The following GSAP variants were observed in gnomAD, a reference collection of about 807,000 sequenced individuals.
GSAP encodes gamma-secretase-activating protein.
GSAP carries 118 observed loss-of-function variants against 131.7 expected under a neutral mutation model. The observed-to-expected ratio is 0.90, with a 90% CI of 0.77 to 1.04. The LOEUF (loss-of-function observed/expected upper bound fraction) is 1.04, where lower values mean the gene tolerates loss of function less well. Ranked by LOEUF, GSAP falls within the 50% of genes least tolerant of loss-of-function variation. The pLI is 0.00. For synonymous variants in GSAP, 381 were observed against 363.4 expected (o/e 1.05, Z -0.55); for missense variants, 1,019 against 1,013.2 (o/e 1.01, Z -0.08).
At chr7:77,405,641 G>A (rs1442786082) in intron 2 of GSAP, among the ~76,000 whole-genome samples, 3 of 152,262 alleles carry the variant, frequency 2.0e-5, no homozygotes, top group South Asian at 4.1e-4. Flanking sequence ...GGGTTCAAGC[G>A]ATTCTCCTGC....
chr7:77,412,103 C>T lies in GSAP; in HGVS notation c.109+4110G>A, dbSNP rs532148587. Among the ~76,000 whole-genome samples the T allele has an allele frequency of 6.6e-5, 10 of 152,246 alleles. No individual in the cohort carries two copies. The East Asian group carries it at 1.2e-3, about 18-fold the overall frequency. On this transcript the variant is annotated intron_variant, in intron 1 of 30. Transcript: ENST00000257626. ...CTGAGGCAGGAGAATCGCTTGAACC[C>T]GGGAGGTGGAGGTTGCAGTGAGCTG...
At chr7:77,351,549 A>G (rs746798666) in intron 18 of GSAP, 2 of 985,568 alleles carry the variant, frequency 2.0e-6, no homozygotes, top group Non-Finnish European at 2.4e-6. Context: ...TCCAACCACA[A>G]GAAGTTTAAA....
intron 6 of GSAP, among the ~76,000 whole-genome samples, chr7:77,382,993 C>G (rs1237035593): frequency 1.3e-5 from 2 of 152,136 alleles, no homozygotes; most frequent in African/African-American, 2.4e-5. Context: ...CAAGACCAGC[C>G]TGGGCAACAT....
Position 77,375,091 on chromosome 7 carries a change from G to C in GSAP, c.752C>G (p.Pro251Arg). The stretch of plus-strand genomic sequence containing the variant: ...TGAGTTGCTTAATGATATGTCCAAG[G>C]GTACTTCAAACTGTCAAAAAAATCA... ...DESYNLMFEV[P>R]LDISLSNSGF... Residue 251 changes from proline to arginine, a missense_variant, in exon 11 of 31, where the codon CCC becomes CGC. Physicochemically the swap from Pro to Arg is moderately radical, Grantham distance 103. Transcript: ENST00000257626. The C allele has an allele frequency of 6.4e-7, 1 of 1,559,302 alleles. No homozygotes were observed. Among genetic ancestry groups the C allele is most frequent in the Admixed American group, 1.7e-5 (1 of 57,184 alleles).
At position 77,356,533 on chromosome 7, in the gene GSAP, G is replaced by A. The variant is rs143278404; in HGVS notation, c.1028-886C>T. Among the ~76,000 whole-genome samples the A allele has an allele frequency of 6.6e-5, 10 of 152,230 alleles. No individual in the cohort carries two copies. The East Asian group carries it at 1.7e-3, about 26-fold the overall frequency. ...ATCGATATTCATCAGAATAATCTCT[G>A]CAGACACATTGACACTTTGTGAAGT... On this transcript the variant is annotated intron_variant, in intron 14 of 30. Coordinates refer to ENST00000257626, the MANE Select transcript of GSAP (RefSeq NM_017439.4).
Position 77,390,880 on chromosome 7 carries a change from C to T in GSAP, c.368-3432G>A, listed in dbSNP as rs553602957. ...AGGAGACTCGCTTGAAACCAGGAGG[C>T]GGAAGTTGCAGTGAGCCAAGGTTGC... is the stretch of plus-strand genomic sequence containing the variant. On this transcript the variant is annotated intron_variant, in intron 5 of 30. Coordinates refer to ENST00000257626, the MANE Select transcript of GSAP (RefSeq NM_017439.4). Among the ~76,000 whole-genome samples, 11 of 134,688 alleles carry T rather than the reference C, an allele frequency of 8.2e-5. No homozygotes were observed. In the East Asian group the frequency reaches 1.2e-3, roughly 14 times the overall value. 88.4% of individuals were successfully genotyped at this position (134,688 alleles called of 152,430 possible).
At chr7:77,325,346 A>T (rs941137241) in intron 23 of GSAP, among the ~76,000 whole-genome samples, 2 of 152,216 alleles carry the variant, frequency 1.3e-5, no homozygotes, top group African/African-American at 2.4e-5. Context: ...TTGAAAATTA[A>T]ACCTAAACTA....
chr7:77,345,549 G>A (rs1791667788), intron 19 of GSAP, among the ~76,000 whole-genome samples: 1 of 152,186 alleles, frequency 6.6e-6, no homozygotes, highest in African/African-American at 2.4e-5. Context: ...CAAAAGAAGT[G>A]AAAATGGCCG....
intron 8 of GSAP, chr7:77,380,041 T>A (rs1165175659): frequency 7.4e-6 from 3 of 407,148 alleles, no homozygotes; most frequent in Non-Finnish European, 9.9e-6. Context: ...CAATAACATA[T>A]TAAGATCCTA....
At chr7:77,389,618 A>G (rs557526781) in intron 5 of GSAP, among the ~76,000 whole-genome samples, 3 of 151,984 alleles carry the variant, frequency 2.0e-5, no homozygotes, top group Non-Finnish European at 2.9e-5. Flanking sequence ...TGAACTCATC[A>G]TTTTTTATGG....
chr7:77,387,236 G>C, intron 6 of GSAP, 124 bp downstream of exon 6: 1 of 512,928 alleles, frequency 1.9e-6, no homozygotes, highest in Non-Finnish European at 3.5e-6. Flanking sequence ...TCCAGCCATA[G>C]TAGTCTACAA....
At chr7:77,330,194 C>T in intron 20 of GSAP, 45 bp downstream of exon 20, 1 of 1,575,904 alleles carries the variant, frequency 6.3e-7, no homozygotes. Flanking sequence ...GGATCCAGTC[C>T]ACTATGCCTC....
At chr7:77,319,956 A>T (rs1293559308) in intron 26 of GSAP, among the ~76,000 whole-genome samples, 1 of 152,198 alleles carries the variant, frequency 6.6e-6, no homozygotes. Flanking sequence ...AAGACCTGCT[A>T]TCCAACATTG....
At chr7:77,381,759 A>T (rs755683428) in intron 7 of GSAP, among the ~76,000 whole-genome samples, 1 of 152,114 alleles carries the variant, frequency 6.6e-6, no homozygotes, top group Non-Finnish European at 1.5e-5. Flanking sequence ...TGAACATACC[A>T]GATAAAAAAC....
At chr7:77,408,689 CAAA>C (rs749202124) in intron 1 of GSAP, among the ~76,000 whole-genome samples, 1,244 of 67,090 alleles carry the variant, frequency 0.019, 12 homozygotes, top group African/African-American at 0.067. Context: ...ACTCTGCCTC[CAAA>C]AAAAAAAAAA....
intron 18 of GSAP, 82 bp downstream of exon 18, chr7:77,352,862 G>A (rs1793088008): frequency 1.3e-6 from 1 of 756,828 alleles, no homozygotes; most frequent in Non-Finnish European, 2.3e-6. Context: ...CGACCTTGAT[G>A]GCTATAAGAG....
intron 13 of GSAP, among the ~76,000 whole-genome samples, chr7:77,361,279 C>T (rs1794489589): frequency 6.6e-6 from 1 of 152,224 alleles, no homozygotes; most frequent in South Asian, 2.1e-4. Flanking sequence ...CCCTCTGAGA[C>T]TTCTCCAAAT....
At position 77,312,197 on chromosome 7, in the gene GSAP, A is replaced by C; in HGVS notation, c.2277T>G (p.Ile759Met). 1 of 1,577,058 alleles carries C rather than the reference A, an allele frequency of 6.3e-7. No homozygotes were observed. Among genetic ancestry groups the C allele is most frequent in the Non-Finnish European group, 8.6e-7 (1 of 1,160,380 alleles). ...CCCAAAGTCTACAAATCTTCTGCCC[A>C]ATAAGCTATTATGCAAATTGAAAAA... ...FSIIVRLPPL[I>M]GQKICRLWDH... is the part of the protein sequence containing the mutation. Residue 759 changes from isoleucine (I) to methionine (M), a missense_variant, in exon 29 of 31, where the codon ATT becomes ATG. Coordinates refer to ENST00000257626, the MANE Select transcript of GSAP (RefSeq NM_017439.4).
intron 19 of GSAP, among the ~76,000 whole-genome samples, chr7:77,340,613 GA>G (rs1790766362): frequency 6.6e-6 from 1 of 152,188 alleles, no homozygotes; most frequent in Admixed American, 6.5e-5. Context: ...TAGAGACAAA[GA>G]AGACACATTT....
Sources: allele counts gnomAD v4.1 joint callset (sites outside exome capture counted in the v4.1 genomes callset), GRCh38; gene constraint gnomAD v4.1.1; transcripts MANE v1.5; gene names NCBI Gene and HGNC (gene_info 2026-07-23, HGNC 2026-07-21).